GABRG1: variants seen among roughly 807,000 people sequenced by gnomAD.
The protein encoded by GABRG1 is gamma-aminobutyric acid type A receptor subunit gamma1.
Under a neutral mutation model 49.8 loss-of-function variants are expected in GABRG1, and 49 were observed. The ratio of observed to expected loss-of-function variants is 0.98; its 90% CI spans 0.78 to 1.25. GABRG1 has a LOEUF of 1.25. GABRG1 is among the 50% of genes most tolerant of loss of function. The pLI is 0.00. For missense variants in GABRG1, 552 were observed against 552.3 expected, an observed-to-expected ratio of 1.00 and a Z score of 0.01; for synonymous variants, 232 against 185.1, an observed-to-expected ratio of 1.25 and a Z score of -2.06.
At chr4:46,064,872 T>TC (rs1240433475) in intron 4 of GABRG1, among the ~76,000 whole-genome samples, 1 of 152,156 alleles carries the variant, frequency 6.6e-6, no homozygotes, top group African/African-American at 2.4e-5. Flanking sequence ...GGTAATTTTT[T>TC]CTCTTGGTTT....
At chr4:46,070,149 AT>A (rs1577646090) in intron 3 of GABRG1, among the ~76,000 whole-genome samples, 1 of 152,088 alleles carries the variant, frequency 6.6e-6, no homozygotes, top group South Asian at 2.1e-4. Flanking sequence ...ATTATCTAAA[AT>A]TACCAATTTC....
intron 8 of GABRG1, among the ~76,000 whole-genome samples, chr4:46,049,056 GA>G (rs1281585326): frequency 2.0e-5 from 3 of 151,788 alleles, no homozygotes; most frequent in Non-Finnish European, 2.9e-5. Flanking sequence ...TTTTTAAAGG[GA>G]AAATGCTGGA....
Position 46,097,235 on chromosome 4 carries a change from T to G in GABRG1, c.219A>C (p.Gln73His). ...CTGGACGAAGTTTATTGTCATAGCC[T>G]TGAAGCAATGAATTCAGAATTTGTG... ...DITQILNSLL[Q>H]GYDNKLRPDI... The change falls in exon 2 of 9, where the codon CAA (glutamine) becomes CAC (histidine). Residue 73 changes from glutamine (Q) to histidine (H), a missense_variant. Transcript: ENST00000295452. 6.2e-7 allele frequency: 1 copy of G among 1,610,472 alleles called. No homozygotes were observed. The highest frequency in any genetic ancestry group is 8.5e-7 in the Non-Finnish European group (1 of 1,177,816).
chr4:46,080,169 G>T (rs1174468648), intron 3 of GABRG1, among the ~76,000 whole-genome samples: 1 of 151,578 alleles, frequency 6.6e-6, no homozygotes, highest in East Asian at 1.9e-4. Flanking sequence ...CACCCATTTT[G>T]CAGCAAAACA....
chr4:46,056,585 A>T (rs1437570650), intron 7 of GABRG1, among the ~76,000 whole-genome samples: 1 of 152,122 alleles, frequency 6.6e-6, no homozygotes, highest in Non-Finnish European at 1.5e-5. Context: ...ATTTTATTGT[A>T]TGCCTTTTAC....
At chr4:46,092,048 C>G (rs1006077125) in intron 2 of GABRG1, among the ~76,000 whole-genome samples, 7 of 151,914 alleles carry the variant, frequency 4.6e-5, no homozygotes, top group Admixed American at 3.9e-4. Flanking sequence ...AAGGAAATAA[C>G]AGGGTTTCCA....
chr4:46,090,943 CACACACACACAT>C (rs1239616442), intron 2 of GABRG1, among the ~76,000 whole-genome samples: 26 of 139,480 alleles, frequency 1.9e-4, no homozygotes, highest in South Asian at 6.7e-4. Flanking sequence ...TACACACACA[CACACACACACAT>C]ACACACACAC....
intron 3 of GABRG1, among the ~76,000 whole-genome samples, chr4:46,079,056 T>C (rs921365562): frequency 2.2e-5 from 3 of 139,172 alleles, no homozygotes; most frequent in Admixed American, 7.3e-5. Context: ...ACATACATTT[T>C]TGTTTAAAAA....
At chr4:46,044,025 AT>A in intron 8 of GABRG1, among the ~76,000 whole-genome samples, 1 of 152,170 alleles carries the variant, frequency 6.6e-6, no homozygotes, top group Middle Eastern at 3.4e-3. Flanking sequence ...TGATGATTAT[AT>A]TATTATGAAA....
intron 1 of GABRG1, among the ~76,000 whole-genome samples, chr4:46,122,111 T>C (rs1462973887): frequency 1.3e-5 from 2 of 152,028 alleles, no homozygotes; most frequent in African/African-American, 4.8e-5. Context: ...TGAGATCATG[T>C]CTCCAGGCTG....
rs910271836 is a variant in GABRG1, at chr4:46,035,938, A to G, written c.*5050T>C. 6.6e-6 allele frequency: 1 copy of G among 152,018 alleles called. No individual in the cohort carries two copies. The highest frequency in any genetic ancestry group is 1.9e-4 in the East Asian group (1 of 5,186). The allele number at this position is 152,018 out of a possible 1,614,324, so 9.4% of individuals were successfully genotyped here. On this transcript the variant is annotated 3_prime_UTR_variant, in exon 9 of 9. Transcript: ENST00000295452. The stretch of plus-strand genomic sequence containing the variant: ...AATAACAGAAGCCATTATAATCACA[A>G]GCCATAAAACTTTATTATACAAAGT...
chr4:46,113,815 T>C (rs2109442592), intron 1 of GABRG1, among the ~76,000 whole-genome samples: 1 of 151,222 alleles, frequency 6.6e-6, no homozygotes, highest in South Asian at 2.1e-4. Flanking sequence ...AGTAAATAAA[T>C]ATATGTTGTC....
At chr4:46,104,669 T>C (rs1207507693) in intron 1 of GABRG1, among the ~76,000 whole-genome samples, 1 of 151,450 alleles carries the variant, frequency 6.6e-6, no homozygotes, top group Non-Finnish European at 1.5e-5. Context: ...GTAAACTACA[T>C]TCTAGTTGGG....
intron 3 of GABRG1, among the ~76,000 whole-genome samples, chr4:46,073,888 T>C (rs907028061): frequency 6.6e-6 from 1 of 152,156 alleles, no homozygotes; most frequent in African/African-American, 2.4e-5. Flanking sequence ...TACTGTACTG[T>C]GTTCACCTAT....
chr4:46,083,919 A>G (rs1248103988), intron 3 of GABRG1, 67 bp downstream of exon 3: 23 of 839,430 alleles, frequency 2.7e-5, no homozygotes, highest in Non-Finnish European at 3.7e-5. Context: ...TCACATGCGA[A>G]TTCTATTTTG....
At position 46,038,027 on chromosome 4, in the gene GABRG1, A is replaced by G. The variant is rs1158832673; in HGVS notation, c.*2961T>C. ...TATGATTGCCTTCATATTTATACAC[A>G]TTTACTGTGCTTAATTTAAAGTTGA... On this transcript the variant is annotated 3_prime_UTR_variant, in exon 9 of 9. Transcript: ENST00000295452. The G allele has an allele frequency of 2.0e-5, 3 of 151,832 alleles. No homozygotes were observed. In the East Asian group the frequency reaches 5.8e-4, roughly 29 times the overall value. The allele number at this position is 151,832 out of a possible 1,614,324, so 9.4% of individuals were successfully genotyped here.
chr4:46,110,636 A>G (rs1720684317), intron 1 of GABRG1, among the ~76,000 whole-genome samples: 1 of 151,364 alleles, frequency 6.6e-6, no homozygotes, highest in Admixed American at 6.6e-5. Flanking sequence ...CCAACAGTAC[A>G]TCAAAAAGTT....
intron 1 of GABRG1, among the ~76,000 whole-genome samples, chr4:46,105,019 T>C (rs893155985): frequency 1.3e-5 from 2 of 151,456 alleles, no homozygotes; most frequent in Non-Finnish European, 3.0e-5. Context: ...GAACTTCCTC[T>C]TGAAAACGGT....
chr4:46,058,079 G>C (rs112951927), intron 7 of GABRG1, 138 bp downstream of exon 7: 15,221 of 621,886 alleles, frequency 0.024, 211 homozygotes, highest in Non-Finnish European at 0.033. Flanking sequence ...ACATGGTATT[G>C]TCCCTTAGTT....
Sources: allele counts gnomAD v4.1 joint callset (sites outside exome capture counted in the v4.1 genomes callset), GRCh38; gene constraint gnomAD v4.1.1; transcripts MANE v1.5; gene names NCBI Gene and HGNC (gene_info 2026-07-23, HGNC 2026-07-21).